LHFPL3: variants seen among roughly 807,000 people sequenced by gnomAD.
The protein encoded by LHFPL3 is LHFPL tetraspan subfamily member 3 protein.
In LHFPL3, 5 loss-of-function variants were observed where a neutral mutation model predicts 19.3. That is an observed-to-expected ratio of 0.26 (90% CI 0.14 to 0.54). The LOEUF (loss-of-function observed/expected upper bound fraction) is 0.54. Ranked by LOEUF, LHFPL3 falls within the 20% of genes least tolerant of loss-of-function variation. The probability of loss-of-function intolerance (pLI) is 0.94; values close to 1 mark genes in which losing one functional copy is unlikely to be tolerated. For missense variants in LHFPL3, 249 were observed against 307.4 expected, an observed-to-expected ratio of 0.81 and a Z score of 1.42; for synonymous variants, 133 against 126.2, an observed-to-expected ratio of 1.05 and a Z score of -0.36.
At chr7:104,556,370 C>G (rs1789833714) in intron 1 of LHFPL3, among the ~76,000 whole-genome samples, 1 of 152,168 alleles carries the variant, frequency 6.6e-6, no homozygotes. Context: ...GCAGAGGTTC[C>G]CAAACCTCAA....
At chr7:104,738,781 T>C (rs1793877724) in intron 2 of LHFPL3, 1 of 152,178 alleles carries the variant, frequency 6.6e-6, no homozygotes, top group African/African-American at 2.4e-5. Flanking sequence ...TGATGTCTGA[T>C]CCTTTCCGTC....
intron 1 of LHFPL3, chr7:104,669,188 C>A: frequency 1.9e-6 from 3 of 1,613,874 alleles, no homozygotes; most frequent in Non-Finnish European, 2.5e-6. Flanking sequence ...AAGGAGAATG[C>A]TTGGGTGAAG....
At chr7:104,704,146 G>A (rs376725340) in intron 1 of LHFPL3, among the ~76,000 whole-genome samples, 51 of 152,168 alleles carry the variant, frequency 3.4e-4, no homozygotes, top group African/African-American at 8.9e-4. Flanking sequence ...ATATCATCTT[G>A]TAATTTGAAG....
At chr7:104,384,172 G>T (rs1173515149) in intron 1 of LHFPL3, among the ~76,000 whole-genome samples, 1 of 152,168 alleles carries the variant, frequency 6.6e-6, no homozygotes, top group Non-Finnish European at 1.5e-5. Flanking sequence ...TATGGGAGAA[G>T]TGGAAGAGCT....
At chr7:104,825,062 G>A (rs1790790695) in intron 2 of LHFPL3, among the ~76,000 whole-genome samples, 2 of 150,536 alleles carry the variant, frequency 1.3e-5, no homozygotes, top group African/African-American at 2.5e-5. Context: ...ATATATGAAT[G>A]AGTAAGTGAC....
intron 1 of LHFPL3, among the ~76,000 whole-genome samples, chr7:104,352,866 C>G (rs891183995): frequency 2.6e-5 from 4 of 152,192 alleles, no homozygotes; most frequent in Non-Finnish European, 5.9e-5. Context: ...CCTGGCTACT[C>G]TTTCAGTAAC....
chr7:104,526,884 T>C (rs759102020), intron 1 of LHFPL3, among the ~76,000 whole-genome samples: 1 of 152,234 alleles, frequency 6.6e-6, no homozygotes, highest in African/African-American at 2.4e-5. Flanking sequence ...CCTGCCCATA[T>C]GGTGCATACA....
intron 1 of LHFPL3, among the ~76,000 whole-genome samples, chr7:104,512,181 C>A (rs1793829669): frequency 6.6e-6 from 1 of 151,850 alleles, no homozygotes; most frequent in Non-Finnish European, 1.5e-5. Context: ...TCTCAAAGTC[C>A]CAGCCTCAAG....
intron 2 of LHFPL3, among the ~76,000 whole-genome samples, chr7:104,739,871 A>G (rs1793900227): frequency 2.0e-5 from 3 of 152,204 alleles, no homozygotes; most frequent in Non-Finnish European, 2.9e-5. Flanking sequence ...AGGGATACAC[A>G]CTGTAATGTC....
intron 1 of LHFPL3, among the ~76,000 whole-genome samples, chr7:104,502,491 A>G (rs1167509537): frequency 6.6e-6 from 1 of 152,214 alleles, no homozygotes; most frequent in African/African-American, 2.4e-5. Context: ...AATGGCATCT[A>G]CATGTTGGCT....
At chr7:104,588,436 G>T (rs1790631498) in intron 1 of LHFPL3, among the ~76,000 whole-genome samples, 1 of 152,058 alleles carries the variant, frequency 6.6e-6, no homozygotes, top group African/African-American at 2.4e-5. Flanking sequence ...TAGATGTGTG[G>T]TATTATTTCT....
chr7:104,450,153 T>A lies in LHFPL3; in HGVS notation c.445+120929T>A, dbSNP rs557869836. Among the ~76,000 whole-genome samples the A allele has an allele frequency of 7.2e-5, 11 of 152,180 alleles. No homozygotes were observed. The East Asian group carries it at 2.1e-3, about 29-fold the overall frequency. ...TTCCTGAGGACTCTTAGGGAAAAAATTTCCTGAGCCTATCAGAAATCTAGA... is the reference window on the plus strand; with the variant it reads ...TTCCTGAGGACTCTTAGGGAAAAAAATTCCTGAGCCTATCAGAAATCTAGA... On this transcript the variant is annotated intron_variant, in intron 1 of 2. Transcript: ENST00000424859.
intron 2 of LHFPL3, among the ~76,000 whole-genome samples, chr7:104,850,720 AGAAACTGTG>A (rs748880032): frequency 2.0e-5 from 3 of 152,222 alleles, no homozygotes; most frequent in African/African-American, 7.2e-5. Flanking sequence ...CTGCTAAATC[AGAAACTGTG>A]GAGGTGAGCC....
At chr7:104,450,635 A>G (rs1584328002) in intron 1 of LHFPL3, among the ~76,000 whole-genome samples, 2 of 152,082 alleles carry the variant, frequency 1.3e-5, no homozygotes, top group Non-Finnish European at 2.9e-5. Flanking sequence ...TGACGGGTTG[A>G]TGGGTGCAGC....
chr7:104,355,231 A>C (rs146662587), intron 1 of LHFPL3, among the ~76,000 whole-genome samples: 6 of 152,280 alleles, frequency 3.9e-5, no homozygotes, highest in African/African-American at 1.4e-4. Flanking sequence ...TTCTTTCCCC[A>C]CAACATCTCC....
intron 1 of LHFPL3, among the ~76,000 whole-genome samples, chr7:104,434,989 A>G (rs886620307): frequency 6.6e-6 from 1 of 152,120 alleles, no homozygotes; most frequent in Non-Finnish European, 1.5e-5. Context: ...GGGTTTATTA[A>G]GTGTTTTGTT....
chr7:104,597,690 TATTTCA>T (rs1790890187), intron 1 of LHFPL3, among the ~76,000 whole-genome samples: 2 of 152,248 alleles, frequency 1.3e-5, no homozygotes, highest in South Asian at 4.1e-4. Flanking sequence ...GGAATTTTCC[TATTTCA>T]ATCAATATAT....
chr7:104,792,538 A>G (rs1790043994), intron 2 of LHFPL3, among the ~76,000 whole-genome samples: 1 of 152,152 alleles, frequency 6.6e-6, no homozygotes, highest in Non-Finnish European at 1.5e-5. Flanking sequence ...GCCTCTGGGT[A>G]AGAGAGTACG....
chr7:104,800,270 G>A (rs1418460957), intron 2 of LHFPL3, among the ~76,000 whole-genome samples: 1 of 152,152 alleles, frequency 6.6e-6, no homozygotes, highest in Non-Finnish European at 1.5e-5. Context: ...TTTTTTAAGT[G>A]AGGTTTTGTG....
Sources: gnomAD v4.1 joint callset for allele counts (sites outside exome capture counted in the v4.1 genomes callset) on GRCh38, gnomAD v4.1.1 for gene constraint, MANE v1.5 for transcripts, NCBI Gene and HGNC (gene_info 2026-07-23, HGNC 2026-07-21) for gene names.